Variants in RAB27B observed in about 807,000 individuals in gnomAD.
The protein encoded by RAB27B is RAB27B, member RAS oncogene family, also known as ras-related protein Rab-27B.
In RAB27B, 15 loss-of-function variants were observed where a neutral mutation model predicts 24.6. The observed-to-expected ratio is 0.61, with a 90% CI of 0.41 to 0.94. The LOEUF is 0.94. Among genes scored for constraint, RAB27B ranks in the 40% least tolerant of loss-of-function variants. RAB27B has a pLI of 0.00. For synonymous variants in RAB27B, 105 were observed against 92.5 expected, an observed-to-expected ratio of 1.14 and a Z score of -0.78; for missense variants, 261 against 266.8, an observed-to-expected ratio of 0.98 and a Z score of 0.15.
intron 1 of RAB27B, among the ~76,000 whole-genome samples, chr18:54,858,704 T>G (rs1911889772): frequency 6.6e-6 from 1 of 152,148 alleles, no homozygotes. Flanking sequence ...GTTTAGCTAT[T>G]AAAAATCCCC....
chr18:54,871,071 G>A (rs961459208), intron 1 of RAB27B, among the ~76,000 whole-genome samples: 2 of 152,098 alleles, frequency 1.3e-5, no homozygotes, highest in African/African-American at 2.4e-5. Context: ...TAATTTTTTG[G>A]TTGATGTTAA....
intron 1 of RAB27B, among the ~76,000 whole-genome samples, chr18:54,828,957 C>CA (rs1266611356): frequency 2.0e-5 from 3 of 151,616 alleles, no homozygotes; most frequent in African/African-American, 7.3e-5. Flanking sequence ...TGGTTACCAC[C>CA]AAAAAAAGCA....
intron 1 of RAB27B, among the ~76,000 whole-genome samples, chr18:54,866,089 CA>C (rs1424297527): frequency 6.8e-6 from 1 of 147,502 alleles, no homozygotes; most frequent in Non-Finnish European, 1.5e-5. Context: ...AGAGTTTTAT[CA>C]AAAACAAAAA....
At chr18:54,870,366 A>G (rs970380610) in intron 1 of RAB27B, among the ~76,000 whole-genome samples, 1 of 152,158 alleles carries the variant, frequency 6.6e-6, no homozygotes, top group African/African-American at 2.4e-5. Context: ...AGTGCAATTG[A>G]CAAATTTAAT....
chr18:54,820,498 C>T (rs966174203), intron 2 of RAB27B, among the ~76,000 whole-genome samples: 43 of 152,068 alleles, frequency 2.8e-4, no homozygotes, highest in African/African-American at 6.7e-4. Context: ...TTGAGTTCAT[C>T]GTAGATTCTG....
intron 5 of RAB27B, among the ~76,000 whole-genome samples, chr18:54,888,797 T>A (rs1422772702): frequency 6.6e-6 from 1 of 152,172 alleles, no homozygotes; most frequent in Non-Finnish European, 1.5e-5. Context: ...CAAATAAACA[T>A]TGACTGTATT....
At chr18:54,758,389 C>T (rs1033189275) in intron 2 of RAB27B, among the ~76,000 whole-genome samples, 6 of 152,174 alleles carry the variant, frequency 3.9e-5, no homozygotes, top group Non-Finnish European at 8.8e-5. Flanking sequence ...GAAGAACTGA[C>T]AGTCTCAATT....
At chr18:54,823,431 A>C (rs903771854) in intron 2 of RAB27B, among the ~76,000 whole-genome samples, 16 of 151,300 alleles carry the variant, frequency 1.1e-4, no homozygotes, top group African/African-American at 3.9e-4. Flanking sequence ...TCAAGTCAAG[A>C]GAAATTTTTA....
At chr18:54,864,478 T>C (rs1001235177) in intron 1 of RAB27B, among the ~76,000 whole-genome samples, 1 of 150,472 alleles carries the variant, frequency 6.6e-6, no homozygotes, top group Non-Finnish European at 1.5e-5. Context: ...TGGTGTCTAT[T>C]GAAGCACAAA....
intron 2 of RAB27B, among the ~76,000 whole-genome samples, chr18:54,809,954 AAAT>A (rs1909911311): frequency 2.6e-5 from 4 of 152,324 alleles, no homozygotes; most frequent in African/African-American, 7.2e-5. Flanking sequence ...TTAAGAATTT[AAAT>A]AATCATAATT....
At chr18:54,810,356 A>G (rs1189714997) in intron 2 of RAB27B, among the ~76,000 whole-genome samples, 2 of 152,188 alleles carry the variant, frequency 1.3e-5, no homozygotes, top group South Asian at 2.1e-4. Flanking sequence ...CTACCAAAGT[A>G]TGTGTCAGGT....
At position 54,847,318 on chromosome 18, in the gene RAB27B, C is replaced by G. The variant is rs368268813; in HGVS notation, c.-20+18618C>G. Among the ~76,000 whole-genome samples, 8 of 152,286 alleles carry G rather than the reference C, an allele frequency of 5.3e-5. No homozygotes were observed. The East Asian group carries it at 7.7e-4, about 15-fold the overall frequency. On this transcript the variant is annotated intron_variant, in intron 1 of 5. Transcript: ENST00000262094. The stretch of plus-strand genomic sequence containing the variant: ...AAATTATCCTAATGATGGAAATACC[C>G]AGTTCTCTGGTAAACTGGAAGGGGA...
intron 2 of RAB27B, among the ~76,000 whole-genome samples, chr18:54,781,690 A>G (rs966362911): frequency 2.0e-5 from 3 of 152,162 alleles, no homozygotes; most frequent in African/African-American, 4.8e-5. Flanking sequence ...CACAGGCACC[A>G]TGTTACTACA....
chr18:54,816,723 A>G (rs1910132768), intron 2 of RAB27B, among the ~76,000 whole-genome samples: 1 of 152,192 alleles, frequency 6.6e-6, no homozygotes, highest in African/African-American at 2.4e-5. Flanking sequence ...TCTGATTGCC[A>G]CAAATCCATT....
intron 2 of RAB27B, among the ~76,000 whole-genome samples, chr18:54,819,909 T>G (rs1453225146): frequency 1.3e-5 from 2 of 151,362 alleles, no homozygotes; most frequent in Non-Finnish European, 2.9e-5. Context: ...CTGAGAATGA[T>G]AGTTTCCAGC....
At chr18:54,721,568 T>G (rs1344465712) in intron 2 of RAB27B, among the ~76,000 whole-genome samples, 1 of 152,190 alleles carries the variant, frequency 6.6e-6, no homozygotes, top group Non-Finnish European at 1.5e-5. Flanking sequence ...TCTTGCTGTA[T>G]TGCAAGTATG....
chr18:54,820,812 T>C (rs187750883), intron 2 of RAB27B, among the ~76,000 whole-genome samples: 3 of 152,348 alleles, frequency 2.0e-5, no homozygotes, highest in East Asian at 3.9e-4. Context: ...AAGGAAGGGA[T>C]CCAGTTTCAG....
At chr18:54,818,760 C>T (rs985783517) in intron 2 of RAB27B, among the ~76,000 whole-genome samples, 1 of 152,074 alleles carries the variant, frequency 6.6e-6, no homozygotes, top group Non-Finnish European at 1.5e-5. Flanking sequence ...CTAGTGTTCA[C>T]CACATTTTAC....
intron 2 of RAB27B, among the ~76,000 whole-genome samples, chr18:54,737,970 T>G (rs1719071079): frequency 6.6e-6 from 1 of 152,126 alleles, no homozygotes; most frequent in South Asian, 2.1e-4. Flanking sequence ...GAAAAATGTG[T>G]GCTTAAAAAT....
Sources: allele counts gnomAD v4.1 joint callset (sites outside exome capture counted in the v4.1 genomes callset), GRCh38; gene constraint gnomAD v4.1.1; transcripts MANE v1.5; gene names NCBI Gene and HGNC (gene_info 2026-07-23, HGNC 2026-07-21).